The following ME3 variants were observed in gnomAD, a reference collection of about 807,000 sequenced individuals.
ME3 encodes the protein NADP-dependent malic enzyme, mitochondrial.
In ME3, 48 loss-of-function variants were observed where a neutral mutation model predicts 68.9. The observed-to-expected ratio is 0.70, with a 90% CI of 0.55 to 0.89. ME3 has a LOEUF of 0.89. ME3 is among the 40% of genes least tolerant of loss of function. The pLI is 0.00. For missense variants in ME3, 675 were observed against 797.4 expected (o/e 0.85, Z 1.85); for synonymous variants, 320 against 318.8 (o/e 1.00, Z -0.04).
At chr11:86,554,499 A>G (rs1956837900) in intron 4 of ME3, among the ~76,000 whole-genome samples, 1 of 152,254 alleles carries the variant, frequency 6.6e-6, no homozygotes, top group Non-Finnish European at 1.5e-5. Flanking sequence ...TATGTATAAT[A>G]TGATTCTACA....
intron 2 of ME3, among the ~76,000 whole-genome samples, chr11:86,662,861 G>C (rs886754910): frequency 5.9e-5 from 9 of 152,214 alleles, no homozygotes; most frequent in African/African-American, 2.2e-4. Context: ...AATGCAGAAT[G>C]TCTATTTTGA....
chr11:86,524,275 C>T (rs925725991), intron 4 of ME3, among the ~76,000 whole-genome samples: 29 of 152,284 alleles, frequency 1.9e-4, no homozygotes, highest in East Asian at 1.9e-4. Context: ...ATCAAACCTG[C>T]GATTCTGAAA....
intron 4 of ME3, among the ~76,000 whole-genome samples, chr11:86,553,669 A>G (rs903866501): frequency 1.3e-5 from 2 of 152,190 alleles, no homozygotes; most frequent in Non-Finnish European, 2.9e-5. Context: ...AGTGTGAGGG[A>G]CTAATCCAAG....
chr11:86,467,393 A>C (rs1451364815), intron 7 of ME3, among the ~76,000 whole-genome samples: 4 of 152,070 alleles, frequency 2.6e-5, no homozygotes, highest in Non-Finnish European at 5.9e-5. Flanking sequence ...TGCTTGTACT[A>C]TGAATAGAAA....
chr11:86,441,681 T>G (rs1283459433), intron 14 of ME3, among the ~76,000 whole-genome samples: 1 of 152,216 alleles, frequency 6.6e-6, no homozygotes, highest in Non-Finnish European at 1.5e-5. Context: ...AAATTCTGCC[T>G]GCTTCCAAAG....
intron 4 of ME3, among the ~76,000 whole-genome samples, chr11:86,521,364 C>G (rs2139185827): frequency 6.6e-6 from 1 of 150,768 alleles, no homozygotes; most frequent in East Asian, 1.9e-4. Flanking sequence ...CACTGCACTC[C>G]AGCCTGGGCG....
At chr11:86,538,508 C>T (rs1031909309) in intron 4 of ME3, among the ~76,000 whole-genome samples, 3 of 152,154 alleles carry the variant, frequency 2.0e-5, no homozygotes, top group Admixed American at 6.6e-5. Flanking sequence ...TTCCCACAAC[C>T]GTCAGTCCAC....
chr11:86,462,246 C>T (rs947623927), intron 8 of ME3, among the ~76,000 whole-genome samples: 1 of 151,932 alleles, frequency 6.6e-6, no homozygotes, highest in Admixed American at 6.6e-5. Context: ...TAACAATTTG[C>T]GAACACTCAC....
intron 4 of ME3, among the ~76,000 whole-genome samples, chr11:86,551,671 G>A (rs1311202249): frequency 1.3e-5 from 2 of 152,198 alleles, no homozygotes. Flanking sequence ...AGCTAGACCA[G>A]GGCCCACCAT....
chr11:86,571,239 A>G (rs995818134), intron 2 of ME3, among the ~76,000 whole-genome samples: 1 of 152,240 alleles, frequency 6.6e-6, no homozygotes, highest in Non-Finnish European at 1.5e-5. Context: ...TAAGTATTCA[A>G]TAAATAAATG....
chr11:86,491,012 A>G (rs142180369), intron 6 of ME3, among the ~76,000 whole-genome samples: 1 of 152,340 alleles, frequency 6.6e-6, no homozygotes, highest in African/African-American at 2.4e-5. Flanking sequence ...AAGCTTTTAA[A>G]AAGTCCTTAT....
At chr11:86,661,842 GTAT>G (rs1946300321) in intron 2 of ME3, among the ~76,000 whole-genome samples, 1 of 3,744 alleles carries the variant, frequency 2.7e-4, no homozygotes, top group East Asian at 0.12. Context: ...GTATTGTATT[GTAT>G]TGTATTGTAT....
chr11:86,610,070 A>C (rs1230010770), intron 2 of ME3, among the ~76,000 whole-genome samples: 3 of 152,174 alleles, frequency 2.0e-5, no homozygotes, highest in African/African-American at 7.2e-5. Flanking sequence ...ATAATGTCTA[A>C]CATGTTTAAA....
chr11:86,618,717 GTCT>G lies in ME3; in HGVS notation c.183+53042_183+53044del, dbSNP rs1387499023. ...AGTAAATGAGTTCTCATGAGATCTG[GTCT>G]TTTTTTTTTTTTTTTGAGACGGAGT... On this transcript the variant is annotated intron_variant, in intron 2 of 14. Coordinates refer to ENST00000543262, the Ensembl canonical transcript of ME3. 2.7e-5 allele frequency among the ~76,000 whole-genome samples: 4 copies of G among 148,306 alleles called. No individual in the cohort carries two copies. The East Asian group carries it at 5.9e-4, about 22-fold the overall frequency.
At chr11:86,476,709 G>A (rs541769516) in intron 7 of ME3, among the ~76,000 whole-genome samples, 20 of 152,314 alleles carry the variant, frequency 1.3e-4, no homozygotes, top group Non-Finnish European at 2.1e-4. Flanking sequence ...CACTGGAGGA[G>A]GGAGAGCAAA....
At chr11:86,498,252 G>A in intron 5 of ME3, 128 bp from the exon 6 acceptor site, 2 of 1,131,542 alleles carry the variant, frequency 1.8e-6, no homozygotes, top group Non-Finnish European at 2.4e-6. Flanking sequence ...GAAAGAGCTT[G>A]TCTGGGATAA....
At chr11:86,448,600 G>A (rs1321957109) in intron 10 of ME3, among the ~76,000 whole-genome samples, 1 of 152,190 alleles carries the variant, frequency 6.6e-6, no homozygotes, top group Non-Finnish European at 1.5e-5. Flanking sequence ...TTTGGCCCAA[G>A]GCATCCAGCA....
At chr11:86,465,658 T>A (rs1398880829) in intron 7 of ME3, among the ~76,000 whole-genome samples, 1 of 152,026 alleles carries the variant, frequency 6.6e-6, no homozygotes, top group Non-Finnish European at 1.5e-5. Flanking sequence ...CAAATATCTC[T>A]CTTGCTGGAC....
chr11:86,596,656 T>G (rs1439261965), intron 2 of ME3, among the ~76,000 whole-genome samples: 3 of 152,160 alleles, frequency 2.0e-5, no homozygotes, highest in Non-Finnish European at 4.4e-5. Flanking sequence ...GAAGGGACCT[T>G]AAGGATCACC....
Sources: allele counts gnomAD v4.1 joint callset (sites outside exome capture counted in the v4.1 genomes callset), GRCh38; gene constraint gnomAD v4.1.1; transcripts MANE v1.5; gene names NCBI Gene and HGNC (gene_info 2026-07-23, HGNC 2026-07-21).